RBFOX1: variants seen among roughly 807,000 people sequenced by gnomAD.
RBFOX1 encodes the protein RNA binding fox-1 homolog 1.
In RBFOX1, 8 loss-of-function variants were observed where a neutral mutation model predicts 57.7. That is an observed-to-expected ratio of 0.14 (90% CI 0.08 to 0.25). The LOEUF (loss-of-function observed/expected upper bound fraction) is 0.25. RBFOX1 is among the 10% of genes least tolerant of loss of function. The probability of loss-of-function intolerance (pLI) is 1.00; values close to 1 mark genes in which losing one functional copy is unlikely to be tolerated. For synonymous variants in RBFOX1, 326 were observed against 222.4 expected, an observed-to-expected ratio of 1.47 and a Z score of -4.15; for missense variants, 611 against 548.5, an observed-to-expected ratio of 1.11 and a Z score of -1.14.
At chr16:5,461,166 C>G (rs139717646) in intron 1 of RBFOX1, among the ~76,000 whole-genome samples, 19 of 152,294 alleles carry the variant, frequency 1.2e-4, no homozygotes, top group South Asian at 8.3e-4. Flanking sequence ...TGAACCCCGT[C>G]GTGGTCTTGC....
intron 1 of RBFOX1, among the ~76,000 whole-genome samples, chr16:6,115,605 C>T (rs1281031025): frequency 6.6e-6 from 1 of 152,090 alleles, no homozygotes; most frequent in East Asian, 1.9e-4. Context: ...AGATAAATTC[C>T]AAGTATAGCA....
intron 4 of RBFOX1, among the ~76,000 whole-genome samples, chr16:7,410,830 C>CGTGTGTGTGT (rs56755477): frequency 5.3e-5 from 8 of 150,340 alleles, no homozygotes; most frequent in African/African-American, 2.0e-4. Flanking sequence ...TGAGTTTTCA[C>CGTGTGTGTGT]GTGTGTGTGT....
intron 3 of RBFOX1, among the ~76,000 whole-genome samples, chr16:6,875,288 C>G (rs372687606): frequency 6.6e-6 from 1 of 152,170 alleles, no homozygotes; most frequent in Non-Finnish European, 1.5e-5. Context: ...AACAATACAA[C>G]TCGTTATGGT....
At chr16:5,507,909 C>T (rs1479650975) in intron 2 of RBFOX1, among the ~76,000 whole-genome samples, 1 of 152,082 alleles carries the variant, frequency 6.6e-6, no homozygotes, top group South Asian at 2.1e-4. Context: ...TAGAGTTCTG[C>T]CCTCCAGCAT....
At chr16:5,934,485 A>T (rs929551643) in intron 4 of RBFOX1, among the ~76,000 whole-genome samples, 4 of 152,240 alleles carry the variant, frequency 2.6e-5, no homozygotes, top group Non-Finnish European at 2.9e-5. Context: ...ATTACAAGAC[A>T]TCAGAGTGAA....
intron 1 of RBFOX1, among the ~76,000 whole-genome samples, chr16:6,245,907 T>G (rs1598764341): frequency 6.6e-6 from 1 of 152,218 alleles, no homozygotes; most frequent in African/African-American, 2.4e-5. Context: ...CATGTCCTTA[T>G]TCATAGCTTT....
chr16:6,341,154 A>T (rs1280866739), intron 2 of RBFOX1, among the ~76,000 whole-genome samples: 1 of 152,226 alleles, frequency 6.6e-6, no homozygotes, highest in Non-Finnish European at 1.5e-5. Context: ...CATGGGTCTT[A>T]CTGAGCTAAA....
intron 4 of RBFOX1, among the ~76,000 whole-genome samples, chr16:5,893,011 A>G (rs1261882482): frequency 6.6e-6 from 1 of 152,222 alleles, no homozygotes; most frequent in East Asian, 1.9e-4. Flanking sequence ...CTGGTGAGGA[A>G]TAGGGTAATG....
chr16:6,698,688 A>G (rs1015527614), intron 3 of RBFOX1, among the ~76,000 whole-genome samples: 10 of 152,056 alleles, frequency 6.6e-5, no homozygotes, highest in East Asian at 1.9e-4. Flanking sequence ...ATTCTATGCT[A>G]TTTTCAGCAT....
chr16:6,063,497 ACACACACACC>A (rs752498771), intron 1 of RBFOX1, among the ~76,000 whole-genome samples: 2,102 of 102,142 alleles, frequency 0.021, 43 homozygotes, highest in African/African-American at 0.068. Flanking sequence ...ACACACACAC[ACACACACACC>A]CCCTTATATT....
At chr16:5,834,704 T>C (rs139724542) in intron 3 of RBFOX1, among the ~76,000 whole-genome samples, 2 of 124,782 alleles carry the variant, frequency 1.6e-5, no homozygotes, top group East Asian at 4.2e-4. Context: ...GATAGATAGA[T>C]AGATAGATAG....
intron 3 of RBFOX1, among the ~76,000 whole-genome samples, chr16:5,663,696 C>T (rs528698357): frequency 2.6e-5 from 4 of 152,154 alleles, no homozygotes; most frequent in Non-Finnish European, 5.9e-5. Context: ...GCAGGAATCA[C>T]GTCATGTAGA....
At chr16:6,529,733 G>A (rs1555527428) in intron 2 of RBFOX1, among the ~76,000 whole-genome samples, 1 of 152,016 alleles carries the variant, frequency 6.6e-6, no homozygotes, top group Non-Finnish European at 1.5e-5. Context: ...CAACACGTAC[G>A]GAAGAAGGTG....
chr16:5,519,453 G>T (rs917256706), intron 2 of RBFOX1, among the ~76,000 whole-genome samples: 1 of 152,212 alleles, frequency 6.6e-6, no homozygotes, highest in Middle Eastern at 3.2e-3. Context: ...GCTGGGTATG[G>T]TGGCTCATGC....
intron 3 of RBFOX1, among the ~76,000 whole-genome samples, chr16:5,763,573 C>T (rs1386748564): frequency 6.6e-6 from 1 of 152,260 alleles, no homozygotes; most frequent in Non-Finnish European, 1.5e-5. Context: ...AACATAATTG[C>T]TTTTCATTTT....
At chr16:6,881,632 T>C (rs1403539509) in intron 3 of RBFOX1, among the ~76,000 whole-genome samples, 1 of 152,194 alleles carries the variant, frequency 6.6e-6, no homozygotes, top group Non-Finnish European at 1.5e-5. Flanking sequence ...TGATTCCCTC[T>C]GCAAATATTC....
At chr16:6,581,094 T>C (rs1174007055) in intron 2 of RBFOX1, among the ~76,000 whole-genome samples, 8 of 152,176 alleles carry the variant, frequency 5.3e-5, no homozygotes, top group Non-Finnish European at 1.0e-4. Context: ...ATGCTGTGCC[T>C]TTTGAGTTAT....
At chr16:6,464,029 G>T (rs1245572668) in intron 2 of RBFOX1, among the ~76,000 whole-genome samples, 2 of 152,194 alleles carry the variant, frequency 1.3e-5, no homozygotes, top group East Asian at 3.9e-4. Flanking sequence ...GAATTTCACT[G>T]TTCCTGATTA....
At chr16:6,933,435 A>T (rs1041422166) in intron 3 of RBFOX1, among the ~76,000 whole-genome samples, 3 of 152,244 alleles carry the variant, frequency 2.0e-5, no homozygotes, top group African/African-American at 7.2e-5. Context: ...CATCCTGGCC[A>T]GGTGCAGTGG....
Sources: allele counts gnomAD v4.1 joint callset (sites outside exome capture counted in the v4.1 genomes callset), GRCh38; gene constraint gnomAD v4.1.1; transcripts MANE v1.5; gene names NCBI Gene and HGNC (gene_info 2026-07-23, HGNC 2026-07-21).